The following DHDH variants were observed in gnomAD, a reference collection of about 807,000 sequenced individuals.
DHDH encodes the protein trans-1,2-dihydrobenzene-1,2-diol dehydrogenase.
DHDH carries 29 observed loss-of-function variants against 33.2 expected under a neutral mutation model. The ratio of observed to expected loss-of-function variants is 0.87; its 90% CI spans 0.65 to 1.19. DHDH has a LOEUF of 1.19. Ranked by LOEUF, DHDH falls within the 50% of genes most tolerant of loss-of-function variation. The pLI is 0.00. For synonymous variants in DHDH, 201 were observed against 187.9 expected, an observed-to-expected ratio of 1.07 and a Z score of -0.57; for missense variants, 431 against 455.0, an observed-to-expected ratio of 0.95 and a Z score of 0.48.
chr19:48,939,981 C>T (rs1169918655), intron 4 of DHDH, among the ~76,000 whole-genome samples: 1 of 152,160 alleles, frequency 6.6e-6, no homozygotes, highest in Non-Finnish European at 1.5e-5. Context: ...AATGAAGTAA[C>T]TGCTGAGGCA....
At chr19:48,934,617 G>A (rs2037746158) in intron 1 of DHDH, among the ~76,000 whole-genome samples, 1 of 152,164 alleles carries the variant, frequency 6.6e-6, no homozygotes, top group East Asian at 1.9e-4. Flanking sequence ...AGATGTTTGT[G>A]TAAAGTGAAA....
chr19:48,939,515 G>T lies in DHDH; in HGVS notation c.433G>T (p.Gly145Ter). 6.2e-7 allele frequency: 1 copy of T among 1,614,042 alleles called. No homozygotes were observed. The highest frequency in any genetic ancestry group is 1.7e-5 in the Admixed American group (1 of 59,992). ...LRSVLAQGTL[G>*]DLRVARAEFG... Reference sequence around the variant, plus strand: ...GTCTGTTTTGGCCCAGGGAACTCTAGGAGACCTCCGGGTGGCTCGGGCAGA... The same window carrying T: ...GTCTGTTTTGGCCCAGGGAACTCTATGAGACCTCCGGGTGGCTCGGGCAGA... Residue 145 changes from glycine to a stop codon, truncating the protein, a stop_gained, in exon 4 of 7, where the codon GGA (glycine) becomes TGA (stop). Coordinates refer to ENST00000221403, the MANE Select transcript of DHDH (RefSeq NM_014475.4). LOFTEE classifies it high-confidence loss of function.
intron 1 of DHDH, among the ~76,000 whole-genome samples, chr19:48,934,055 G>T (rs941973222): frequency 6.6e-6 from 1 of 152,194 alleles, no homozygotes; most frequent in African/African-American, 2.4e-5. Context: ...ACTGTACTAA[G>T]AAAAATTGTT....
chr19:48,941,641 C>T (rs2122274214), intron 4 of DHDH, among the ~76,000 whole-genome samples: 1 of 150,970 alleles, frequency 6.6e-6, no homozygotes, highest in Middle Eastern at 3.5e-3. Flanking sequence ...TTTGGCCTCC[C>T]AAAGTGCTGG....
rs951608445 is a variant in DHDH at position 48,934,982 on chromosome 19, A to T, written c.91-18A>T. 5 of 1,523,690 alleles carry T rather than the reference A, an allele frequency of 3.3e-6. No homozygotes were observed. The African/African-American group carries it at 7.0e-5, about 21-fold the overall frequency. 94.4% of individuals were successfully genotyped at this position (1,523,690 alleles called of 1,614,324 possible). A position where few individuals can be genotyped will look rare whatever the true frequency, so the allele number is the denominator to read the frequency against. ...CGCCTGCCTCAGCCCCTCAAATCCG[A>T]TTCTTGTGCCCCTCCAGGTGGTGGC... On this transcript the variant is annotated intron_variant, in intron 1 of 6. Transcript: ENST00000221403.
chr19:48,935,315 C>T (rs551668616), intron 2 of DHDH, among the ~76,000 whole-genome samples: 22 of 152,174 alleles, frequency 1.4e-4, no homozygotes, highest in South Asian at 2.1e-4. Context: ...GCGTTCGAGA[C>T]CAGCCTCGGC....
intron 1 of DHDH, 125 bp downstream of exon 1, chr19:48,933,936 C>A (rs2037738648): frequency 2.5e-6 from 2 of 791,688 alleles, no homozygotes; most frequent in Non-Finnish European, 4.2e-6. Flanking sequence ...ACGTCTGTTT[C>A]CTTGCTACCT....
At chr19:48,936,249 T>C in intron 3 of DHDH, 54 bp downstream of exon 3, 1 of 1,514,266 alleles carries the variant, frequency 6.6e-7, no homozygotes, top group Non-Finnish European at 8.8e-7. Flanking sequence ...TGCCATTAAA[T>C]ATGGTTGCCA....
chr19:48,934,485 ACTGT>A (rs2037744640), intron 1 of DHDH, among the ~76,000 whole-genome samples: 1 of 152,166 alleles, frequency 6.6e-6, no homozygotes, highest in Admixed American at 6.6e-5. Flanking sequence ...CTGGGAATGG[ACTGT>A]CTCAGTGTAA....
chr19:48,935,005 G>T lies in DHDH; in HGVS notation c.96G>T (p.Val32=). Residue 32 remains valine, a synonymous_variant, in exon 2 of 7, where the codon GTG becomes GTT. Coordinates refer to ENST00000221403, the MANE Select transcript of DHDH (RefSeq NM_014475.4). ...QTLPRSEHQV[V]AVAARDLSRA... is the part of the protein sequence containing the mutation. ...CGATTCTTGTGCCCCTCCAGGTGGT[G>T]GCGGTGGCGGCCCGCGATCTGAGCC... 1 of 1,560,122 alleles carries T rather than the reference G, an allele frequency of 6.4e-7. No individual in the cohort carries two copies. Among genetic ancestry groups the T allele is most frequent in the East Asian group, 2.4e-5 (1 of 41,852 alleles).
At chr19:48,934,416 GAA>G (rs1359130205) in intron 1 of DHDH, among the ~76,000 whole-genome samples, 1 of 152,154 alleles carries the variant, frequency 6.6e-6, no homozygotes. Context: ...GAGGAGTAGT[GAA>G]AGAGGGAGGC....
chr19:48,935,239 G>A, intron 2 of DHDH, 128 bp downstream of exon 2: 1 of 667,658 alleles, frequency 1.5e-6, no homozygotes, highest in Non-Finnish European at 2.3e-6. Context: ...ACCTTTGGCT[G>A]GGAGGAGAAC....
Position 48,944,942 on chromosome 19 carries a change from C to T in DHDH, c.*9C>T, listed in dbSNP as rs368471792. On this transcript the variant is annotated 3_prime_UTR_variant, in exon 7 of 7. Coordinates refer to ENST00000221403, the MANE Select transcript of DHDH (RefSeq NM_014475.4). ...CCCAAGACAAACGCTGATGTATCCC[C>T]GAATAAATAAAGACATCTTACATCT... 410 of 1,610,232 alleles carry T rather than the reference C, an allele frequency of 2.5e-4. 2 individuals are homozygous for T. In the South Asian group the frequency reaches 3.6e-3, roughly 14 times the overall value.
At chr19:48,944,702 A>G (rs2122287999) in intron 6 of DHDH, 122 bp from the exon 7 acceptor site, 1 of 1,173,650 alleles carries the variant, frequency 8.5e-7, no homozygotes, top group South Asian at 1.4e-5. Context: ...TCTCTCAGGA[A>G]CCCCTGCAGC....
chr19:48,941,213 C>A (rs959615152), intron 4 of DHDH, among the ~76,000 whole-genome samples: 1 of 152,060 alleles, frequency 6.6e-6, no homozygotes, highest in Non-Finnish European at 1.5e-5. Flanking sequence ...AGCCTTGATT[C>A]TCCTCCACCT....
intron 3 of DHDH, among the ~76,000 whole-genome samples, chr19:48,936,991 C>T (rs2037786949): frequency 1.3e-5 from 2 of 151,786 alleles, no homozygotes; most frequent in African/African-American, 4.8e-5. Flanking sequence ...ACCATGTTGG[C>T]CAGGCTGGTC....
Position 48,934,871 on chromosome 19 carries a change from G to A in DHDH, c.91-129G>A, listed in dbSNP as rs945908949. ...CTCTTTCCCAGGGCCCAAATGTCCA[G>A]CCCCCGTCATCTCTTCCCCCAGGAC... On this transcript the variant is annotated intron_variant, in intron 1 of 6. Coordinates refer to ENST00000221403, the MANE Select transcript of DHDH (RefSeq NM_014475.4). The A allele has an allele frequency of 2.8e-5, 17 of 604,202 alleles. No homozygotes were observed. The African/African-American group carries it at 3.3e-4, about 12-fold the overall frequency. The allele number at this position is 604,202 out of a possible 1,614,324, so 37.4% of individuals were successfully genotyped here.
At chr19:48,933,573 A>G, upstream of DHDH, 2 of 692,484 alleles carry the variant, frequency 2.9e-6, no homozygotes, top group Non-Finnish European at 2.5e-6. Context: ...CTAGAACTAA[A>G]TGACCGCTCT....
chr19:48,938,783 C>A (rs1219780380), intron 3 of DHDH, among the ~76,000 whole-genome samples: 1 of 151,914 alleles, frequency 6.6e-6, no homozygotes, highest in Non-Finnish European at 1.5e-5. Context: ...GTAGCTGGGA[C>A]TACAGGCGTG....
Sources: allele counts gnomAD v4.1 joint callset (sites outside exome capture counted in the v4.1 genomes callset), GRCh38; gene constraint gnomAD v4.1.1; transcripts MANE v1.5; gene names NCBI Gene and HGNC (gene_info 2026-07-23, HGNC 2026-07-21).